The following ASAP3 variants were observed in gnomAD, a reference collection of about 807,000 sequenced individuals.
ASAP3 encodes arf-GAP with SH3 domain, ANK repeat and PH domain-containing protein 3.
Under a neutral mutation model 118.2 loss-of-function variants are expected in ASAP3, and 85 were observed. The observed-to-expected ratio is 0.72, with a 90% confidence interval of 0.60 to 0.86. The LOEUF (loss-of-function observed/expected upper bound fraction) is 0.86, where lower values mean the gene tolerates loss of function less well. Ranked by LOEUF, ASAP3 falls within the 40% of genes least tolerant of loss-of-function variation. The probability of loss-of-function intolerance (pLI) is 0.00; values close to 1 mark genes in which losing one functional copy is unlikely to be tolerated. For synonymous variants in ASAP3, 432 were observed against 477.4 expected (o/e 0.90, Z 1.24); for missense variants, 1,026 against 1,175.0 (o/e 0.87, Z 1.85).
chr1:23,459,427 C>T (rs1023202023), intron 1 of ASAP3, among the ~76,000 whole-genome samples: 2 of 152,136 alleles, frequency 1.3e-5, no homozygotes, highest in Admixed American at 1.3e-4. Context: ...TGGGCCCCTG[C>T]AGCCTTGTTT....
intron 3 of ASAP3, among the ~76,000 whole-genome samples, chr1:23,455,237 G>A (rs925965786): frequency 3.9e-5 from 6 of 152,202 alleles, no homozygotes; most frequent in East Asian, 1.9e-4. Flanking sequence ...CTGTGCATCC[G>A]GATCGAATGA....
At chr1:23,467,909 G>A (rs572218672) in intron 1 of ASAP3, among the ~76,000 whole-genome samples, 4 of 141,552 alleles carry the variant, frequency 2.8e-5, no homozygotes, top group Admixed American at 7.6e-5. Flanking sequence ...CCGAGATCAC[G>A]CCACTGCACT....
At position 23,439,153 on chromosome 1, in the gene ASAP3, GGCCTCACCGT is replaced by G; in HGVS notation, c.1012_1014+7del. Reference sequence around the variant, plus strand: ...TGCCCTGAGACTCCCACCACCTCTAGGCCTCACCGTGCTGTGTGAGATGGTCAGGCAGCCA... The same window carrying G: ...TGCCCTGAGACTCCCACCACCTCTAGGCTGTGTGAGATGGTCAGGCAGCCA... On this transcript the variant is annotated splice_donor_variant and splice_donor_5th_base_variant and coding_sequence_variant and intron_variant, in exon 11 of 25. Coordinates refer to ENST00000336689, the MANE Select transcript of ASAP3 (RefSeq NM_017707.4). LOFTEE classifies it high-confidence loss of function. The G allele has an allele frequency of 6.2e-7, 1 of 1,613,794 alleles. No homozygotes were observed. Among genetic ancestry groups the G allele is most frequent in the Non-Finnish European group, 8.5e-7 (1 of 1,179,754 alleles).
chr1:23,481,229 G>A (rs1433006147), intron 1 of ASAP3, among the ~76,000 whole-genome samples: 2 of 152,126 alleles, frequency 1.3e-5, no homozygotes, highest in Admixed American at 6.5e-5. Context: ...TCTGCCCAGG[G>A]TCCTTCCCAG....
chr1:23,470,058 C>A (rs1641910547), intron 1 of ASAP3, among the ~76,000 whole-genome samples: 1 of 152,136 alleles, frequency 6.6e-6, no homozygotes, highest in Non-Finnish European at 1.5e-5. Flanking sequence ...GCCATGAGAC[C>A]AAGAGCCCTG....
intron 1 of ASAP3, among the ~76,000 whole-genome samples, chr1:23,473,282 C>G (rs1471024987): frequency 6.6e-6 from 1 of 152,212 alleles, no homozygotes; most frequent in African/African-American, 2.4e-5. Flanking sequence ...TGGGTGTAGC[C>G]CGCAGCAGCT....
intron 10 of ASAP3, among the ~76,000 whole-genome samples, chr1:23,440,848 T>G (rs928220453): frequency 8.9e-6 from 1 of 112,758 alleles, no homozygotes; most frequent in Non-Finnish European, 1.8e-5. Flanking sequence ...AGAGTGAGAC[T>G]CTATCTCAAA....
intron 19 of ASAP3, 90 bp downstream of exon 19, chr1:23,434,164 C>A: frequency 1.5e-6 from 2 of 1,315,884 alleles, no homozygotes; most frequent in Non-Finnish European, 1.1e-6. Context: ...TGGTCAGAAG[C>A]AAGCCAGGAT....
chr1:23,442,894 A>G (rs1157223053), intron 5 of ASAP3, among the ~76,000 whole-genome samples: 1 of 152,178 alleles, frequency 6.6e-6, no homozygotes, highest in Non-Finnish European at 1.5e-5. Context: ...CTGGGATCTG[A>G]AGCCTGAGAA....
chr1:23,430,938 T>A, intron 24 of ASAP3, 97 bp downstream of exon 24: 1 of 1,181,900 alleles, frequency 8.5e-7, no homozygotes. Context: ...ACCCCAACCA[T>A]GGGGAGGTCT....
intron 3 of ASAP3, among the ~76,000 whole-genome samples, 159 bp from the exon 4 acceptor site, chr1:23,452,930 G>A (rs1038467734): frequency 3.3e-5 from 5 of 152,210 alleles, no homozygotes; most frequent in African/African-American, 9.6e-5. Context: ...CCAAGTAAGG[G>A]GGACCGTCAT....
At chr1:23,459,231 G>C (rs932269374) in intron 1 of ASAP3, among the ~76,000 whole-genome samples, 1 of 146,908 alleles carries the variant, frequency 6.8e-6, no homozygotes, top group African/African-American at 2.5e-5. Flanking sequence ...AAAATCCCTA[G>C]AGGGCAGATC....
chr1:23,459,170 CAAAAAAAAAA>C (rs59149141), intron 1 of ASAP3, among the ~76,000 whole-genome samples: 2 of 68,314 alleles, frequency 2.9e-5, no homozygotes, highest in African/African-American at 1.6e-4. Context: ...GACTCCATCT[CAAAAAAAAAA>C]AAAAAAAAAA....
chr1:23,474,423 T>C (rs1347739793), intron 1 of ASAP3, among the ~76,000 whole-genome samples: 1 of 152,122 alleles, frequency 6.6e-6, no homozygotes, highest in African/African-American at 2.4e-5. Flanking sequence ...CAACACTGTC[T>C]TATTTCCTTC....
rs575274499 is a variant in ASAP3, at chr1:23,428,747, C to G, written c.*1109G>C. On this transcript the variant is annotated 3_prime_UTR_variant, in exon 25 of 25. Transcript: ENST00000336689. ...GTGTTGGCCATTGGTGCTCTCTAGT[C>G]TCCCCTGCTTGGCTTGGCCCATTCC... 1 of 153,534 alleles carries G rather than the reference C, an allele frequency of 6.5e-6. No homozygotes were observed. The highest frequency in any genetic ancestry group is 1.9e-4 in the East Asian group (1 of 5,186). The allele number at this position is 153,534 out of a possible 1,614,324, so 9.5% of individuals were successfully genotyped here. A position where few individuals can be genotyped will look rare whatever the true frequency, so the allele number is the denominator to read the frequency against.
intron 1 of ASAP3, among the ~76,000 whole-genome samples, chr1:23,469,504 T>C (rs1424053342): frequency 1.3e-5 from 2 of 152,044 alleles, no homozygotes; most frequent in Admixed American, 6.6e-5. Context: ...CAGATCCATG[T>C]TCAAGCGGGA....
At chr1:23,454,530 G>C (rs1391192479) in intron 3 of ASAP3, among the ~76,000 whole-genome samples, 1 of 152,060 alleles carries the variant, frequency 6.6e-6, no homozygotes, top group African/African-American at 2.4e-5. Flanking sequence ...CATTGCCCAG[G>C]CTGGTCTAGA....
At chr1:23,475,662 T>G (rs1274070381) in intron 1 of ASAP3, among the ~76,000 whole-genome samples, 2 of 152,198 alleles carry the variant, frequency 1.3e-5, no homozygotes, top group Non-Finnish European at 2.9e-5. Context: ...TCTCAAGACC[T>G]ATAAAGATAT....
At chr1:23,460,546 C>T (rs996173424) in intron 1 of ASAP3, among the ~76,000 whole-genome samples, 1 of 148,114 alleles carries the variant, frequency 6.8e-6, no homozygotes, top group African/African-American at 2.5e-5. Context: ...AACACACACA[C>T]ACACAAATAA....
Sources: gnomAD v4.1 joint callset for allele counts (sites outside exome capture counted in the v4.1 genomes callset) on GRCh38, gnomAD v4.1.1 for gene constraint, MANE v1.5 for transcripts, NCBI Gene and HGNC (gene_info 2026-07-23, HGNC 2026-07-21) for gene names.